Variants in RARB observed in about 807,000 individuals in gnomAD.
RARB encodes the protein HBV-activated protein.
Under a neutral mutation model 51.9 loss-of-function variants are expected in RARB, and 17 were observed. The observed-to-expected ratio is 0.33, with a 90% CI of 0.22 to 0.49. RARB has a LOEUF of 0.49. RARB is among the 20% of genes least tolerant of loss of function. The pLI is 0.99. For missense variants in RARB, 369 were observed against 550.8 expected (o/e 0.67, Z 3.30); for synonymous variants, 215 against 195.4 (o/e 1.10, Z -0.84).
intron 2 of RARB, among the ~76,000 whole-genome samples, chr3:24,862,667 GT>G (rs1482989354): frequency 6.6e-6 from 1 of 152,138 alleles, no homozygotes; most frequent in African/African-American, 2.4e-5. Flanking sequence ...CATATATAGG[GT>G]TTATATATCT....
intron 2 of RARB, among the ~76,000 whole-genome samples, chr3:24,973,863 A>G (rs1160620423): frequency 2.6e-5 from 4 of 151,920 alleles, no homozygotes; most frequent in Admixed American, 2.6e-4. Context: ...GAGCCTTTAG[A>G]TTTTTTAAAA....
At chr3:25,278,336 G>C (rs1483846) in intron 5 of RARB, among the ~76,000 whole-genome samples, 71,151 of 152,034 alleles carry the variant, frequency 0.47, 17,228 homozygotes, top group East Asian at 0.69. Context: ...GCAAATATGA[G>C]AGTTGCCCCT....
At chr3:25,178,286 A>T (rs1057343022) in intron 5 of RARB, among the ~76,000 whole-genome samples, 1 of 152,128 alleles carries the variant, frequency 6.6e-6, no homozygotes, top group Non-Finnish European at 1.5e-5. Flanking sequence ...AGCTTAGAAC[A>T]CAGGGAACAT....
intron 4 of RARB, among the ~76,000 whole-genome samples, chr3:25,145,502 A>AAG (rs1416676734): frequency 6.6e-6 from 1 of 151,694 alleles, no homozygotes; most frequent in Non-Finnish European, 1.5e-5. Context: ...GTAAATTTCA[A>AAG]AAAAAAGAAA....
chr3:25,074,213 G>A (rs1698826846), intron 3 of RARB, among the ~76,000 whole-genome samples: 1 of 152,064 alleles, frequency 6.6e-6, no homozygotes. Flanking sequence ...TCCCCATAAG[G>A]GTTTTTCTGA....
At chr3:24,998,815 G>A (rs1697097997) in intron 2 of RARB, among the ~76,000 whole-genome samples, 1 of 57,096 alleles carries the variant, frequency 1.8e-5, no homozygotes. Context: ...TATTGTAATA[G>A]TGTTTCAAAC....
chr3:25,078,656 C>T (rs1413969179), intron 3 of RARB, among the ~76,000 whole-genome samples: 1 of 152,024 alleles, frequency 6.6e-6, no homozygotes, highest in Non-Finnish European at 1.5e-5. Flanking sequence ...CCTGCCTCAC[C>T]CAGTAGCTGG....
chr3:25,124,948 A>AT (rs1285700090), intron 3 of RARB, among the ~76,000 whole-genome samples: 2 of 152,180 alleles, frequency 1.3e-5, no homozygotes, highest in Non-Finnish European at 2.9e-5. Context: ...AAGGCAAGTG[A>AT]TTTTAAGGGA....
At chr3:25,411,070 A>G (rs896431993) in intron 5 of RARB, among the ~76,000 whole-genome samples, 1 of 152,224 alleles carries the variant, frequency 6.6e-6, no homozygotes, top group Admixed American at 6.5e-5. Flanking sequence ...TTTGTAACAT[A>G]TCCTATACCT....
At chr3:25,099,615 TAAAAAAA>T (rs10540610) in intron 3 of RARB, among the ~76,000 whole-genome samples, 2 of 142,546 alleles carry the variant, frequency 1.4e-5, no homozygotes, top group African/African-American at 2.6e-5. Context: ...TTTCAGGATT[TAAAAAAA>T]AAAAAAAAAA....
intron 3 of RARB, among the ~76,000 whole-genome samples, chr3:25,557,205 G>C (rs1700099405): frequency 6.6e-6 from 1 of 151,328 alleles, no homozygotes. Context: ...TCTGCTTTGA[G>C]TTCCTCTATA....
chr3:24,926,267 T>C (rs923102107), intron 2 of RARB, among the ~76,000 whole-genome samples: 1 of 152,058 alleles, frequency 6.6e-6, no homozygotes, highest in African/African-American at 2.4e-5. Flanking sequence ...TGAGATAAAT[T>C]GCGGTGGAGA....
intron 1 of RARB, among the ~76,000 whole-genome samples, chr3:24,836,854 A>G (rs1367190932): frequency 6.6e-6 from 1 of 152,240 alleles, no homozygotes; most frequent in East Asian, 1.9e-4. Context: ...TAACGGTAGT[A>G]TATCGGAACT....
At chr3:25,069,165 A>G (rs954097509) in intron 3 of RARB, among the ~76,000 whole-genome samples, 1 of 151,796 alleles carries the variant, frequency 6.6e-6, no homozygotes, top group African/African-American at 2.4e-5. Context: ...AAGGGAAGAG[A>G]AAGAAGAAAG....
intron 5 of RARB, among the ~76,000 whole-genome samples, chr3:25,409,095 A>C (rs1018629290): frequency 6.6e-6 from 1 of 152,220 alleles, no homozygotes; most frequent in Non-Finnish European, 1.5e-5. Context: ...CAAGTATGAC[A>C]GTGCCAACGC....
intron 4 of RARB, among the ~76,000 whole-genome samples, chr3:25,147,032 G>T (rs906624381): frequency 2.0e-5 from 3 of 152,118 alleles, no homozygotes; most frequent in Admixed American, 2.0e-4. Context: ...CTAGTCATGG[G>T]TGTTATTTAT....
At position 25,267,099 on chromosome 3, in the gene RARB, C is replaced by G. The variant is rs762386583; in HGVS notation, c.178+92524C>G. Among the ~76,000 whole-genome samples, 3 of 152,298 alleles carry G rather than the reference C, an allele frequency of 2.0e-5. 1 individual carries two copies. Among genetic ancestry groups the G allele is most frequent in the South Asian group, 4.2e-4 (2 of 4,814 alleles). ...TAGGCATAAATATGTAAGAAAACTT[C>G]CCACAAGTGATCTGATACAACAGAG... On this transcript the variant is annotated intron_variant, in intron 5 of 11. Transcript: ENST00000383772.
chr3:25,105,461 AG>A (rs1559468050), intron 3 of RARB, among the ~76,000 whole-genome samples: 2 of 151,132 alleles, frequency 1.3e-5, no homozygotes, highest in African/African-American at 2.4e-5. Context: ...GGTGCCATAA[AG>A]GGCATCAGTC....
intron 2 of RARB, among the ~76,000 whole-genome samples, chr3:24,910,446 T>TC (rs1229426907): frequency 2.0e-5 from 3 of 152,202 alleles, no homozygotes; most frequent in Non-Finnish European, 4.4e-5. Context: ...TTTTGATAAA[T>TC]ATAGAGTAAA....
Sources: allele counts gnomAD v4.1 joint callset (sites outside exome capture counted in the v4.1 genomes callset), GRCh38; gene constraint gnomAD v4.1.1; transcripts MANE v1.5; gene names NCBI Gene and HGNC (gene_info 2026-07-23, HGNC 2026-07-21).